Variants in ADGRL3 observed in about 807,000 individuals in gnomAD.
ADGRL3 encodes the protein adhesion G protein-coupled receptor L3, also known as calcium-independent alpha-latrotoxin receptor 3.
ADGRL3 carries 62 observed loss-of-function variants against 153.5 expected under a neutral mutation model. That is an observed-to-expected ratio of 0.40 (90% CI 0.33 to 0.50). The LOEUF (loss-of-function observed/expected upper bound fraction) is 0.50. Among genes scored for constraint, ADGRL3 ranks in the 20% least tolerant of loss-of-function variants. ADGRL3 has a pLI of 0.47. For missense variants in ADGRL3, 1,641 were observed against 1,859.4 expected, an observed-to-expected ratio of 0.88 and a Z score of 2.16; for synonymous variants, 710 against 672.5, an observed-to-expected ratio of 1.06 and a Z score of -0.86.
intron 21 of ADGRL3, among the ~76,000 whole-genome samples, chr4:62,027,540 G>A (rs962735882): frequency 6.6e-6 from 1 of 151,862 alleles, no homozygotes; most frequent in African/African-American, 2.4e-5. Flanking sequence ...TCTCTGCTTC[G>A]TTTACCAACT....
At chr4:61,930,352 A>G (rs555975891) in intron 13 of ADGRL3, among the ~76,000 whole-genome samples, 2 of 152,260 alleles carry the variant, frequency 1.3e-5, no homozygotes, top group East Asian at 3.9e-4. Flanking sequence ...CTGGATAAGA[A>G]GTGCCACTCA....
At chr4:61,993,972 A>G (rs2099112902) in intron 19 of ADGRL3, among the ~76,000 whole-genome samples, 1 of 152,168 alleles carries the variant, frequency 6.6e-6, no homozygotes, top group South Asian at 2.1e-4. Context: ...TTGCTTCACT[A>G]ATAGCATTTT....
At chr4:61,759,183 G>A (rs867405570) in intron 8 of ADGRL3, among the ~76,000 whole-genome samples, 90 of 152,104 alleles carry the variant, frequency 5.9e-4, no homozygotes, top group African/African-American at 2.1e-3. Flanking sequence ...TATCTTTTTG[G>A]TGTTCTCTGT....
intron 2 of ADGRL3, among the ~76,000 whole-genome samples, chr4:61,389,718 A>G (rs971309218): frequency 3.9e-5 from 6 of 152,176 alleles, no homozygotes; most frequent in Admixed American, 6.5e-5. Flanking sequence ...AAAGCACATT[A>G]ATTATTCAGA....
At chr4:61,757,404 G>T (rs1021391133) in intron 8 of ADGRL3, among the ~76,000 whole-genome samples, 2 of 152,112 alleles carry the variant, frequency 1.3e-5, no homozygotes, top group Non-Finnish European at 2.9e-5. Context: ...TAGTTTATTT[G>T]CATAGAGGTG....
At chr4:61,461,993 A>G (rs971290113) in intron 2 of ADGRL3, among the ~76,000 whole-genome samples, 5 of 152,216 alleles carry the variant, frequency 3.3e-5, no homozygotes, top group Non-Finnish European at 5.9e-5. Context: ...AGCACTTTTT[A>G]TTAACTGTAC....
intron 8 of ADGRL3, among the ~76,000 whole-genome samples, chr4:61,787,736 A>T (rs1235703396): frequency 6.6e-6 from 1 of 152,066 alleles, no homozygotes; most frequent in Non-Finnish European, 1.5e-5. Flanking sequence ...TATTATTTTT[A>T]TACAGTAAAA....
At chr4:62,027,524 A>G (rs1478098937) in intron 21 of ADGRL3, among the ~76,000 whole-genome samples, 2 of 152,026 alleles carry the variant, frequency 1.3e-5, no homozygotes, top group Non-Finnish European at 2.9e-5. Flanking sequence ...GTACAGTTCT[A>G]GTCACTCTCT....
At chr4:61,411,429 A>T (rs186082993) in intron 2 of ADGRL3, among the ~76,000 whole-genome samples, 262 of 152,298 alleles carry the variant, frequency 1.7e-3, no homozygotes, top group Admixed American at 3.1e-3. Flanking sequence ...GAGGCAAGTG[A>T]TGTCAGCAAC....
intron 21 of ADGRL3, among the ~76,000 whole-genome samples, chr4:62,017,948 A>G (rs1325030461): frequency 6.6e-6 from 1 of 151,970 alleles, no homozygotes; most frequent in Non-Finnish European, 1.5e-5. Flanking sequence ...CAGTGGCGTG[A>G]TCTTGGCTCA....
At chr4:61,291,308 A>G (rs1279339412) in intron 1 of ADGRL3, among the ~76,000 whole-genome samples, 1 of 151,906 alleles carries the variant, frequency 6.6e-6, no homozygotes, top group Non-Finnish European at 1.5e-5. Flanking sequence ...AAAAATTGAA[A>G]ATAACTGTAC....
chr4:61,442,534 A>G (rs988121332), intron 2 of ADGRL3, among the ~76,000 whole-genome samples: 2 of 152,196 alleles, frequency 1.3e-5, no homozygotes, highest in Admixed American at 6.5e-5. Context: ...CTGATCATCT[A>G]GAAGAGAAGG....
chr4:61,369,229 C>T (rs2096470248), intron 1 of ADGRL3, among the ~76,000 whole-genome samples: 1 of 152,256 alleles, frequency 6.6e-6, no homozygotes, highest in African/African-American at 2.4e-5. Flanking sequence ...ATTTCTTTCT[C>T]CTGCCTAATT....
intron 15 of ADGRL3, among the ~76,000 whole-genome samples, chr4:61,938,671 T>C (rs894688448): frequency 6.6e-6 from 1 of 152,036 alleles, no homozygotes; most frequent in African/African-American, 2.4e-5. Flanking sequence ...TTCCTGCTTC[T>C]TTGTGTCACT....
At chr4:61,415,018 A>G (rs2152293682) in intron 2 of ADGRL3, among the ~76,000 whole-genome samples, 1 of 152,096 alleles carries the variant, frequency 6.6e-6, no homozygotes, top group Non-Finnish European at 1.5e-5. Context: ...TCTAAATGAA[A>G]AGAGATGCCT....
chr4:61,258,527 G>A (rs2092216835), intron 1 of ADGRL3, among the ~76,000 whole-genome samples: 2 of 152,184 alleles, frequency 1.3e-5, no homozygotes, highest in African/African-American at 4.8e-5. Flanking sequence ...TCTGCCTCCG[G>A]ATTGTTGTGA....
In ADGRL3 at chr4:61,709,373, T is replaced by G. The variant is rs76936411; in HGVS notation, c.584-21249T>G. Among the ~76,000 whole-genome samples, 1,377 of 152,270 alleles carry G rather than the reference T, an allele frequency of 9.0e-3. 30 individuals are homozygous for G. The highest frequency in any genetic ancestry group is 0.031 in the African/African-American group (1,306 of 41,526). The stretch of plus-strand genomic sequence containing the variant: ...TCATTTCCTTAGCAAAATTATGAAA[T>G]CTGTGGAAGCAAGTACTGTGTTTTC... On this transcript the variant is annotated intron_variant, in intron 6 of 26. Transcript: ENST00000683033.
At chr4:61,531,637 C>T (rs898722863) in intron 4 of ADGRL3, among the ~76,000 whole-genome samples, 2 of 152,204 alleles carry the variant, frequency 1.3e-5, no homozygotes, top group Non-Finnish European at 2.9e-5. Flanking sequence ...TTAACTCCTA[C>T]TTGGGAAGAA....
At chr4:61,641,375 C>T (rs1230640515) in intron 5 of ADGRL3, among the ~76,000 whole-genome samples, 14 of 151,200 alleles carry the variant, frequency 9.3e-5, no homozygotes, top group African/African-American at 2.2e-4. Context: ...CATGCTGGTG[C>T]GCTGCACCCA....
Sources: allele counts gnomAD v4.1 joint callset (sites outside exome capture counted in the v4.1 genomes callset), GRCh38; gene constraint gnomAD v4.1.1; transcripts MANE v1.5; gene names NCBI Gene and HGNC (gene_info 2026-07-23, HGNC 2026-07-21).